CDH11: variants seen among roughly 807,000 people sequenced by gnomAD.
The protein encoded by CDH11 is cadherin 11, also known as cadherin-11.
Under a neutral mutation model 67.8 loss-of-function variants are expected in CDH11, and 11 were observed. The ratio of observed to expected loss-of-function variants is 0.16; its 90% CI spans 0.10 to 0.27. CDH11 has a LOEUF of 0.27. Among genes scored for constraint, CDH11 ranks in the 10% least tolerant of loss-of-function variants. CDH11 has a pLI of 1.00. For missense variants in CDH11, 847 were observed against 1,031.2 expected (o/e 0.82, Z 2.45); for synonymous variants, 419 against 400.0 (o/e 1.05, Z -0.57).
At chr16:64,994,857 T>G (rs2072725175) in intron 4 of CDH11, among the ~76,000 whole-genome samples, 1 of 152,198 alleles carries the variant, frequency 6.6e-6, no homozygotes, top group Non-Finnish European at 1.5e-5. Flanking sequence ...ACAACTTCAG[T>G]GAAGCTTCAG....
In CDH11 at chr16:64,991,876, C is replaced by A; in HGVS notation, c.703G>T (p.Val235Leu). The change falls in exon 6 of 13, where the codon GTG becomes TTG. Residue 235 changes from valine to leucine, a missense_variant. This residue lies in a region of CDH11 where 235 missense variants were observed against 352.5 expected (regional missense o/e 0.67). Coordinates refer to ENST00000268603, the MANE Select transcript of CDH11 (RefSeq NM_001797.4). The part of the protein sequence containing the change: ...DREAKEEYHV[V>L]IQAKDMGGHM... Reference sequence around the variant, plus strand: ...CCACCCATGTCCTTGGCCTGGATCACCACGTGGTACTCCTCCTTGGCCTCC... The same window carrying A: ...CCACCCATGTCCTTGGCCTGGATCAACACGTGGTACTCCTCCTTGGCCTCC... 1.1e-5 allele frequency: 17 copies of A among 1,613,894 alleles called. No homozygotes were observed. The highest frequency in any genetic ancestry group is 1.4e-5 in the Non-Finnish European group (17 of 1,179,820).
At position 64,992,946 on chromosome 16, in the gene CDH11, T is replaced by C. The variant is rs762977440; in HGVS notation, c.612A>G (p.Gly204=). The C allele has an allele frequency of 3.1e-6, 5 of 1,613,380 alleles. No homozygotes were observed. Among genetic ancestry groups the C allele is most frequent in the Non-Finnish European group, 4.2e-6 (5 of 1,179,386 alleles). The change falls in exon 5 of 13, where the codon GGA becomes GGG. Residue 204 remains glycine (G), a synonymous_variant. Coordinates refer to ENST00000268603, the MANE Select transcript of CDH11 (RefSeq NM_001797.4). ...SAKLVYSILE[G]QPYFSVEAQT... ...GTGCTTCCACCGAAAAATAGGGTTG[T>C]CCTTCGAGGATACTGTACACTAACT...
chr16:65,012,167 A>G (rs2073196886), intron 2 of CDH11, among the ~76,000 whole-genome samples: 1 of 152,250 alleles, frequency 6.6e-6, no homozygotes, highest in Non-Finnish European at 1.5e-5. Context: ...CTACACTTCT[A>G]CAGACAAATT....
At position 64,946,294 on chromosome 16, in the gene CDH11, A is replaced by G. The variant is rs2071194708; in HGVS notation, c.*1309T>C. ...GTAAGTTCAACAGAAGAAAAAATAG[A>G]ATAACATTAGAGTCTGGGCAAATTT... On this transcript the variant is annotated 3_prime_UTR_variant, in exon 13 of 13. Transcript: ENST00000268603. The G allele has an allele frequency of 1.9e-6, 2 of 1,046,006 alleles. No homozygotes were observed. Among genetic ancestry groups the G allele is most frequent in the Admixed American group, 1.1e-4 (2 of 18,040 alleles). The allele number at this position is 1,046,006 out of a possible 1,614,324, so 64.8% of individuals were successfully genotyped here.
intron 1 of CDH11, among the ~76,000 whole-genome samples, chr16:65,113,851 G>T (rs1010660152): frequency 1.3e-5 from 2 of 152,104 alleles, no homozygotes; most frequent in African/African-American, 4.8e-5. Context: ...AGATGCTGGC[G>T]ACAATCTTAA....
chr16:65,106,752 C>G (rs1490373516), intron 1 of CDH11, among the ~76,000 whole-genome samples: 2 of 152,124 alleles, frequency 1.3e-5, no homozygotes, highest in Non-Finnish European at 2.9e-5. Flanking sequence ...TTCATGTATG[C>G]CAGGGCTGGA....
At chr16:65,064,074 G>C (rs188325203) in intron 1 of CDH11, among the ~76,000 whole-genome samples, 2 of 152,168 alleles carry the variant, frequency 1.3e-5, no homozygotes, top group Non-Finnish European at 2.9e-5. Context: ...GCCAGGGAGG[G>C]GTCACCTTTG....
At chr16:65,099,506 A>G (rs1177808458) in intron 1 of CDH11, among the ~76,000 whole-genome samples, 1 of 152,158 alleles carries the variant, frequency 6.6e-6, no homozygotes, top group African/African-American at 2.4e-5. Context: ...TTCCTGATAG[A>G]GTGGCAGAAA....
Position 65,045,343 on chromosome 16 carries a change from A to G in CDH11, c.-173+8461T>C, listed in dbSNP as rs940098072. Among the ~76,000 whole-genome samples the G allele has an allele frequency of 8.9e-3, 630 of 70,554 alleles. 29 individuals are homozygous for G. Among genetic ancestry groups the G allele is most frequent in the African/African-American group, 0.029 (599 of 20,556 alleles). The allele number at this position is 70,554 out of a possible 152,430, so 46.3% of individuals were successfully genotyped here. On this transcript the variant is annotated intron_variant, in intron 2 of 12. Transcript: ENST00000268603. ...TTCCCTCAAAAGTATATATATATATATATATATATATATATATATATATAT... is the reference window on the plus strand; with the variant it reads ...TTCCCTCAAAAGTATATATATATATGTATATATATATATATATATATATAT...
chr16:65,097,616 C>CACCACTGTTCTAGGGGCAAAATT (rs58551139), intron 1 of CDH11, among the ~76,000 whole-genome samples: 9,860 of 152,206 alleles, frequency 0.065, 533 homozygotes, highest in African/African-American at 0.15. Flanking sequence ...GGGGCAAAAT[C>CACCACTGTTCTAGGGGCAAAATT]ATTATTATTA....
chr16:65,007,468 C>T (rs919225814), intron 2 of CDH11, among the ~76,000 whole-genome samples: 1 of 152,172 alleles, frequency 6.6e-6, no homozygotes, highest in East Asian at 1.9e-4. Context: ...TTTAATAATA[C>T]ATCAGATGCT....
chr16:65,111,144 T>C (rs1018988345), intron 1 of CDH11, among the ~76,000 whole-genome samples: 2 of 152,132 alleles, frequency 1.3e-5, no homozygotes, highest in African/African-American at 4.8e-5. Context: ...GATTTAAATT[T>C]TAAAATATTT....
chr16:64,950,386 G>A (rs981393498), intron 12 of CDH11, among the ~76,000 whole-genome samples: 1 of 151,898 alleles, frequency 6.6e-6, no homozygotes, highest in Non-Finnish European at 1.5e-5. Context: ...TCTCTTGTGG[G>A]ACAAAACCAT....
intron 2 of CDH11, among the ~76,000 whole-genome samples, chr16:65,009,537 G>A (rs1482351472): frequency 6.6e-6 from 1 of 152,102 alleles, no homozygotes; most frequent in Non-Finnish European, 1.5e-5. Flanking sequence ...GTATTCAGTG[G>A]TAGGGACTTA....
chr16:65,088,960 C>G (rs1338921081), intron 1 of CDH11, among the ~76,000 whole-genome samples: 2 of 152,122 alleles, frequency 1.3e-5, no homozygotes, highest in Non-Finnish European at 2.9e-5. Flanking sequence ...GGGAAAAAGT[C>G]AAGACATCAA....
chr16:65,050,378 CT>C (rs1269415489), intron 2 of CDH11, among the ~76,000 whole-genome samples: 1 of 152,196 alleles, frequency 6.6e-6, no homozygotes, highest in Non-Finnish European at 1.5e-5. Flanking sequence ...TGGATTTTGA[CT>C]GCTATATGCA....
rs953895791 is a variant in CDH11, at chr16:65,028,084, G to A, written c.-172-23043C>T. ...TCATGAAGAATATGTGAAGATTTTT[G>A]AAAGGAAGAAACGGAAAGAAGAGCC... is the stretch of plus-strand genomic sequence containing the variant. On this transcript the variant is annotated intron_variant, in intron 2 of 12. Coordinates refer to ENST00000268603, the MANE Select transcript of CDH11 (RefSeq NM_001797.4). 3.3e-5 allele frequency among the ~76,000 whole-genome samples: 5 copies of A among 152,170 alleles called. No individual in the cohort carries two copies. The South Asian group carries it at 6.2e-4, about 19-fold the overall frequency.
chr16:64,981,635 AT>A (rs2072353185), intron 8 of CDH11: 1 of 153,322 alleles, frequency 6.5e-6, no homozygotes, highest in Non-Finnish European at 1.5e-5. Context: ...TTATACATCG[AT>A]TAAGTTGAGG....
chr16:64,965,205 CAAAA>C (rs71143537), intron 11 of CDH11, among the ~76,000 whole-genome samples: 19 of 56,958 alleles, frequency 3.3e-4, no homozygotes, highest in Non-Finnish European at 5.4e-4. Context: ...CTAAAAATAC[CAAAA>C]AAAAAAAAAA....
Sources: gnomAD v4.1 joint callset for allele counts (sites outside exome capture counted in the v4.1 genomes callset) on GRCh38, gnomAD v4.1.1 for gene constraint, gnomAD v4.1.1 regional missense constraint, MANE v1.5 for transcripts, NCBI Gene and HGNC (gene_info 2026-07-23, HGNC 2026-07-21) for gene names.